NF1: variants seen among roughly 807,000 people sequenced by gnomAD.
NF1 encodes the protein neurofibromin.
In NF1, 122 loss-of-function variants were observed where a neutral mutation model predicts 325.7. That is an observed-to-expected ratio of 0.37 (90% CI 0.32 to 0.44). The LOEUF is 0.44. Ranked by LOEUF, NF1 falls within the 20% of genes least tolerant of loss-of-function variation. NF1 has a pLI of 1.00. For synonymous variants in NF1, 1,091 were observed against 1,186.0 expected (o/e 0.92, Z 1.65); for missense variants, 2,140 against 3,415.4 (o/e 0.63, Z 9.31).
intron 1 of NF1, among the ~76,000 whole-genome samples, chr17:31,102,255 A>G (rs1274927052): frequency 2.6e-5 from 4 of 152,204 alleles, no homozygotes; most frequent in East Asian, 3.8e-4. Context: ...TACTGTTAGG[A>G]TATTTTGCAA....
At chr17:31,341,344 C>G (rs1338017894) in intron 47 of NF1, among the ~76,000 whole-genome samples, 1 of 151,918 alleles carries the variant, frequency 6.6e-6, no homozygotes, top group Non-Finnish European at 1.5e-5. Context: ...GGGCAACTTG[C>G]AAAACCCCAT....
rs16972122 is a variant in NF1, at chr17:31,252,082, C to T, written c.4111-856C>T. 1,203 of 214,670 alleles carry T rather than the reference C, an allele frequency of 5.6e-3. 22 individuals carry two copies. The highest frequency in any genetic ancestry group is 0.026 in the African/African-American group (1,146 of 43,564). 13.3% of individuals were successfully genotyped at this position (214,670 alleles called of 1,614,324 possible). On this transcript the variant is annotated intron_variant, in intron 30 of 57. Coordinates refer to ENST00000358273, the MANE Select transcript of NF1 (RefSeq NM_001042492.3). ...CTAGAAAGAGCTCTGAGAGATGAAA[C>T]CAATATGTGCCTGGAGTTTTGGGGG...
At chr17:31,159,341 T>G (rs2065723209) in intron 3 of NF1, among the ~76,000 whole-genome samples, 1 of 152,210 alleles carries the variant, frequency 6.6e-6, no homozygotes, top group Non-Finnish European at 1.5e-5. Flanking sequence ...GCCACGTATC[T>G]GTCTCTCAGG....
In NF1 at chr17:31,206,041, T is replaced by G. The variant is rs1296631689; in HGVS notation, c.1261-199T>G. On this transcript the variant is annotated intron_variant, in intron 11 of 57. Coordinates refer to ENST00000358273, the MANE Select transcript of NF1 (RefSeq NM_001042492.3). ...GCAATTTGTCTCATGCTCACTATTA[T>G]GTTTTATAATATAATATGTATGAGT... is the stretch of plus-strand genomic sequence containing the variant. Among the ~76,000 whole-genome samples the G allele has an allele frequency of 1.3e-5, 2 of 152,166 alleles. No homozygotes were observed. The highest frequency in any genetic ancestry group is 2.9e-5 in the Non-Finnish European group (2 of 68,016).
intron 35 of NF1, among the ~76,000 whole-genome samples, chr17:31,263,134 TA>T (rs1567864224): frequency 3.7e-5 from 5 of 136,778 alleles, no homozygotes; most frequent in African/African-American, 1.0e-4. Context: ...TAAGATAAGA[TA>T]AGATAAGATA....
chr17:31,185,624 C>G (rs1454058242), intron 8 of NF1, among the ~76,000 whole-genome samples: 1 of 152,146 alleles, frequency 6.6e-6, no homozygotes, highest in African/African-American at 2.4e-5. Flanking sequence ...GAAAGAGGCA[C>G]AATGCCTAGT....
At position 31,170,480 on chromosome 17, in the gene NF1, CT is replaced by C. The variant is rs1438988296; in HGVS notation, c.586+484del. Among the ~76,000 whole-genome samples, 11 of 152,338 alleles carry C rather than the reference CT, an allele frequency of 7.2e-5. No homozygotes were observed. The East Asian group carries it at 1.5e-3, about 21-fold the overall frequency. ...TGACATTTCTGTTTTCAGCTCTCTA[CT>C]GACTGACTTTATAGCATTACAAAGT... On this transcript the variant is annotated intron_variant, in intron 5 of 57. Coordinates refer to ENST00000358273, the MANE Select transcript of NF1 (RefSeq NM_001042492.3).
chr17:31,212,937 T>C (rs1461340853), intron 12 of NF1, among the ~76,000 whole-genome samples: 1 of 152,212 alleles, frequency 6.6e-6, no homozygotes, highest in Admixed American at 6.5e-5. Context: ...ATATTGTCTA[T>C]CATTGACTGA....
intron 36 of NF1, among the ~76,000 whole-genome samples, chr17:31,268,084 G>C (rs1029665786): frequency 2.3e-4 from 35 of 152,296 alleles, no homozygotes; most frequent in Non-Finnish European, 4.4e-4. Flanking sequence ...CTCTTTGACT[G>C]TCTCTCGGTT....
chr17:31,342,336 G>A (rs533283432), intron 47 of NF1, among the ~76,000 whole-genome samples: 11 of 152,270 alleles, frequency 7.2e-5, no homozygotes, highest in Admixed American at 3.9e-4. Flanking sequence ...AATGGCGCAT[G>A]TTTGTAATTC....
At chr17:31,350,664 A>G (rs1013601492) in intron 50 of NF1, among the ~76,000 whole-genome samples, 3 of 152,218 alleles carry the variant, frequency 2.0e-5, no homozygotes, top group Admixed American at 6.5e-5. Flanking sequence ...GTGCTTGGAT[A>G]GAGAACGAAT....
chr17:31,319,122 A>G, intron 36 of NF1: 2 of 1,279,502 alleles, frequency 1.6e-6, no homozygotes, highest in Non-Finnish European at 2.1e-6. Context: ...GTTACAAGTA[A>G]ACTACAAGCT....
chr17:31,305,288 G>T (rs1597801227), intron 36 of NF1: 1 of 1,614,168 alleles, frequency 6.2e-7, no homozygotes, highest in Non-Finnish European at 8.5e-7. Flanking sequence ...GGTGTTGGTT[G>T]TTTGGTGTTG....
At chr17:31,141,148 C>A (rs2143530586) in intron 1 of NF1, among the ~76,000 whole-genome samples, 1 of 152,134 alleles carries the variant, frequency 6.6e-6, no homozygotes, top group South Asian at 2.1e-4. Context: ...ACTGTAGTAA[C>A]CATTTTGCTG....
intron 45 of NF1, among the ~76,000 whole-genome samples, chr17:31,338,406 G>A (rs910904636): frequency 6.6e-6 from 1 of 151,952 alleles, no homozygotes; most frequent in African/African-American, 2.4e-5. Flanking sequence ...TGCTAAGCAG[G>A]TACACTTAGT....
intron 36 of NF1, chr17:31,294,907 G>T: frequency 6.7e-7 from 1 of 1,490,756 alleles, no homozygotes; most frequent in East Asian, 2.3e-5. Flanking sequence ...TGGCTTTCTT[G>T]AATACTTAAA....
chr17:31,126,226 G>C (rs1914877143), intron 1 of NF1, among the ~76,000 whole-genome samples: 1 of 152,104 alleles, frequency 6.6e-6, no homozygotes, highest in Non-Finnish European at 1.5e-5. Flanking sequence ...TGGTGGGTAA[G>C]AAATGTTGTT....
At chr17:31,364,266 C>G in intron 57 of NF1, among the ~76,000 whole-genome samples, 1 of 152,174 alleles carries the variant, frequency 6.6e-6, no homozygotes, top group East Asian at 1.9e-4. Context: ...ATCAAATTAC[C>G]CAACATCAAC....
chr17:31,236,992 A>T (rs1225697646), intron 29 of NF1, among the ~76,000 whole-genome samples: 4 of 152,192 alleles, frequency 2.6e-5, no homozygotes, highest in African/African-American at 9.7e-5. Context: ...AATATTTGTT[A>T]AGTGAATGAA....
Sources: gnomAD v4.1 joint callset for allele counts (sites outside exome capture counted in the v4.1 genomes callset) on GRCh38, gnomAD v4.1.1 for gene constraint, MANE v1.5 for transcripts, NCBI Gene and HGNC (gene_info 2026-07-23, HGNC 2026-07-21) for gene names.